CCDC30: variants seen among roughly 807,000 people sequenced by gnomAD.
CCDC30 encodes coiled-coil domain containing 30.
CCDC30 carries 70 observed loss-of-function variants against 100.2 expected under a neutral mutation model. That is an observed-to-expected ratio of 0.70 (90% CI 0.58 to 0.85). The LOEUF (loss-of-function observed/expected upper bound fraction) is 0.85. Among genes scored for constraint, CCDC30 ranks in the 40% least tolerant of loss-of-function variants. The probability of loss-of-function intolerance (pLI) is 0.00; values close to 1 mark genes in which losing one functional copy is unlikely to be tolerated. For synonymous variants in CCDC30, 233 were observed against 269.5 expected, an observed-to-expected ratio of 0.86 and a Z score of 1.33; for missense variants, 652 against 771.2, an observed-to-expected ratio of 0.85 and a Z score of 1.83.
upstream of CCDC30, among the ~76,000 whole-genome samples, chr1:42,462,452 A>G (rs1451221968): frequency 6.6e-6 from 1 of 152,004 alleles, no homozygotes; most frequent in Non-Finnish European, 1.5e-5. Flanking sequence ...CCAGAAGGAG[A>G]GGTTGAGGCA....
chr1:42,587,734 C>G (rs978322384), intron 9 of CCDC30, among the ~76,000 whole-genome samples: 1 of 152,200 alleles, frequency 6.6e-6, no homozygotes, highest in Non-Finnish European at 1.5e-5. Flanking sequence ...GCAGGTGAGA[C>G]TTTTGCCCAC....
At chr1:42,496,399 A>G (rs1262198526) in intron 4 of CCDC30, among the ~76,000 whole-genome samples, 1 of 152,082 alleles carries the variant, frequency 6.6e-6, no homozygotes, top group African/African-American at 2.4e-5. Flanking sequence ...CTTATAGATG[A>G]GGGTACATGC....
Position 42,508,739 on chromosome 1 carries a change from A to G in CCDC30, c.456+9823A>G, listed in dbSNP as rs538901982. 1.6e-4 allele frequency among the ~76,000 whole-genome samples: 25 copies of G among 152,160 alleles called. No individual in the cohort carries two copies. The East Asian group carries it at 4.4e-3, about 27-fold the overall frequency. ...TGTTTTTCCCAAGAAGTCCCAGACTACCAGAAGTTATCTTAGGGCCTCTTA... is the reference window on the plus strand; with the variant it reads ...TGTTTTTCCCAAGAAGTCCCAGACTGCCAGAAGTTATCTTAGGGCCTCTTA... On this transcript the variant is annotated intron_variant, in intron 6 of 16. Transcript: ENST00000668663.
intron 6 of CCDC30, among the ~76,000 whole-genome samples, chr1:42,516,075 G>A (rs61777382): frequency 0.22 from 34,110 of 152,114 alleles, 4,918 homozygotes; most frequent in Non-Finnish European, 0.31. Context: ...GAAATTGTCA[G>A]ATGATATGGA....
rs141016483 is a variant in CCDC30 at position 42,575,354 on chromosome 1, A to G, written c.637-1666A>G. 2.2e-3 allele frequency among the ~76,000 whole-genome samples: 341 copies of G among 152,228 alleles called. 3 individuals are homozygous for G. The highest frequency in any genetic ancestry group is 0.02 in the Middle Eastern group (6 of 294). On this transcript the variant is annotated intron_variant, in intron 7 of 16. Coordinates refer to ENST00000668663, the Ensembl canonical transcript of CCDC30. ...AGGCCTTGGTATTAAGACATGAATT[A>G]AAAACATAGTCTTGGCTGGGTGCGG... is the stretch of plus-strand genomic sequence containing the variant.
At chr1:42,504,881 T>A (rs557403051) in intron 6 of CCDC30, among the ~76,000 whole-genome samples, 1 of 152,208 alleles carries the variant, frequency 6.6e-6, no homozygotes, top group Non-Finnish European at 1.5e-5. Flanking sequence ...TAAACTTCTT[T>A]GCATAGCTAG....
exon 7 of CCDC30, chr1:42,566,362 T>G (rs1190380342): frequency 6.2e-7 from 1 of 1,613,884 alleles, no homozygotes; most frequent in South Asian, 1.1e-5. Context: ...TCACCAGAAT[T>G]TGCACCGGCT....
At chr1:42,595,602 A>G (rs1646271202) in intron 10 of CCDC30, 1 of 152,212 alleles carries the variant, frequency 6.6e-6, no homozygotes, top group African/African-American at 2.4e-5. Flanking sequence ...CATATTTATA[A>G]TAAGTGTCTA....
chr1:42,558,122 C>T, intron 6 of CCDC30: 1 of 308,912 alleles, frequency 3.2e-6, no homozygotes, highest in South Asian at 2.6e-5. Context: ...AAATAATTTG[C>T]ATTTCTACTC....
At chr1:42,566,496 C>T (rs913735074) in intron 7 of CCDC30, 21 bp downstream of exon 11, 5 of 1,599,852 alleles carry the variant, frequency 3.1e-6, no homozygotes, top group Middle Eastern at 1.7e-4. Context: ...TGGGCAAATG[C>T]TTTATGGAAG....
intron 11 of CCDC30, among the ~76,000 whole-genome samples, chr1:42,621,314 CTTTTCTTTTCTT>C (rs1222038134): frequency 3.3e-5 from 5 of 151,438 alleles, no homozygotes; most frequent in African/African-American, 1.2e-4. Flanking sequence ...TGGTTTTTCT[CTTTTCTTTTCTT>C]TTTTCTTTTT....
intron 6 of CCDC30, chr1:42,536,551 T>C (rs1280221610): frequency 1.9e-6 from 3 of 1,613,678 alleles, no homozygotes; most frequent in Non-Finnish European, 2.5e-6. Flanking sequence ...AGAGAAGCAG[T>C]TGGCATCTGG....
At chr1:42,604,260 T>G (rs529593162) in intron 10 of CCDC30, among the ~76,000 whole-genome samples, 7 of 152,292 alleles carry the variant, frequency 4.6e-5, no homozygotes, top group African/African-American at 1.7e-4. Flanking sequence ...TTGTTAATTT[T>G]AGAAAGGCAT....
At chr1:42,514,836 A>G (rs1304625870) in intron 6 of CCDC30, among the ~76,000 whole-genome samples, 4 of 151,970 alleles carry the variant, frequency 2.6e-5, no homozygotes, top group African/African-American at 7.3e-5. Context: ...GTATTTTTGT[A>G]TAGATGGGGT....
intron 6 of CCDC30, among the ~76,000 whole-genome samples, chr1:42,512,452 G>A (rs1045094649): frequency 6.6e-6 from 1 of 152,086 alleles, no homozygotes; most frequent in African/African-American, 2.4e-5. Context: ...GTGGCGGGTG[G>A]GGGGAGACCC....
intron 1 of CCDC30, among the ~76,000 whole-genome samples, chr1:42,466,133 G>A (rs1557784571): frequency 6.6e-6 from 1 of 152,188 alleles, no homozygotes; most frequent in Admixed American, 6.5e-5. Flanking sequence ...GTGGAAAATA[G>A]AAGAAAGAAA....
At chr1:42,616,162 C>T (rs1174356433) in intron 11 of CCDC30, among the ~76,000 whole-genome samples, 4 of 152,194 alleles carry the variant, frequency 2.6e-5, no homozygotes, top group Non-Finnish European at 2.9e-5. Flanking sequence ...ACGATCCACT[C>T]GCCTTGGCCT....
At chr1:42,579,082 C>A (rs1369427646) in intron 8 of CCDC30, among the ~76,000 whole-genome samples, 1 of 152,002 alleles carries the variant, frequency 6.6e-6, no homozygotes, top group South Asian at 2.1e-4. Context: ...CCTCTGCCTC[C>A]CAGATTCAAG....
rs184828487 is a variant in CCDC30 at position 42,517,149 on chromosome 1, T to A, written c.456+18233T>A. Reference sequence around the variant, plus strand: ...CTCAGGCAGGAGTGCAATGGTAAGATCATAGCTCACCGTAACCTCCAACTC... The same window carrying A: ...CTCAGGCAGGAGTGCAATGGTAAGAACATAGCTCACCGTAACCTCCAACTC... On this transcript the variant is annotated intron_variant, in intron 6 of 16. Coordinates refer to ENST00000668663, the Ensembl canonical transcript of CCDC30. Among the ~76,000 whole-genome samples, 132 of 152,270 alleles carry A rather than the reference T, an allele frequency of 8.7e-4. 2 individuals carry two copies. The highest frequency in any genetic ancestry group is 3.1e-3 in the African/African-American group (129 of 41,562).
Sources: gnomAD v4.1 joint callset for allele counts (sites outside exome capture counted in the v4.1 genomes callset) on GRCh38, gnomAD v4.1.1 for gene constraint, MANE v1.5 for transcripts, NCBI Gene and HGNC (gene_info 2026-07-23, HGNC 2026-07-21) for gene names.